PTPN11: variants seen among roughly 807,000 people sequenced by gnomAD.
PTPN11 encodes protein tyrosine phosphatase non-receptor type 11.
PTPN11 carries 6 observed loss-of-function variants against 78.8 expected under a neutral mutation model. The ratio of observed to expected loss-of-function variants is 0.08; its 90% CI spans 0.04 to 0.15. The LOEUF is 0.15. PTPN11 is among the 10% of genes least tolerant of loss of function. The pLI, the probability that PTPN11 is intolerant of heterozygous loss-of-function variation, is 1.00. For synonymous variants in PTPN11, 221 were observed against 263.5 expected, an observed-to-expected ratio of 0.84 and a Z score of 1.56; for missense variants, 386 against 744.8, an observed-to-expected ratio of 0.52 and a Z score of 5.61.
At chr12:112,442,846 A>C (rs2037920566) in intron 1 of PTPN11, among the ~76,000 whole-genome samples, 3 of 65,990 alleles carry the variant, frequency 4.5e-5, no homozygotes, top group South Asian at 5.6e-4. Flanking sequence ...ATATATATAT[A>C]TATATATATA....
chr12:112,436,122 G>A (rs2037786042), intron 1 of PTPN11, among the ~76,000 whole-genome samples: 1 of 152,052 alleles, frequency 6.6e-6, no homozygotes, highest in Non-Finnish European at 1.5e-5. Flanking sequence ...AAACAAACAT[G>A]GGCAAAAGAG....
chr12:112,463,647 T>C (rs1178803381), intron 6 of PTPN11, among the ~76,000 whole-genome samples: 1 of 152,220 alleles, frequency 6.6e-6, no homozygotes. Context: ...GGTCATCTTT[T>C]ATACATTATT....
chr12:112,505,120 G>T (rs2038917661), intron 15 of PTPN11, among the ~76,000 whole-genome samples: 1 of 152,168 alleles, frequency 6.6e-6, no homozygotes, highest in Admixed American at 6.5e-5. Flanking sequence ...CTGTGCTGGG[G>T]GATGATCTGT....
chr12:112,442,875 T>TATATATATAA (rs2037927324), intron 1 of PTPN11, among the ~76,000 whole-genome samples: 1 of 74,890 alleles, frequency 1.3e-5, no homozygotes, highest in Non-Finnish European at 2.5e-5. Context: ...TATATATATA[T>TATATATATAA]ATAAATTATA....
intron 1 of PTPN11, among the ~76,000 whole-genome samples, chr12:112,419,822 C>A (rs2037493766): frequency 6.6e-6 from 1 of 152,064 alleles, no homozygotes; most frequent in Admixed American, 6.6e-5. Context: ...TACTGGTACC[C>A]GTTTTATGGA....
chr12:112,439,849 T>G (rs1298275278), intron 1 of PTPN11, among the ~76,000 whole-genome samples: 1 of 151,724 alleles, frequency 6.6e-6, no homozygotes, highest in Non-Finnish European at 1.5e-5. Context: ...AAAGATTTGG[T>G]CTCCACACCT....
chr12:112,437,535 G>A (rs975063946), intron 1 of PTPN11, among the ~76,000 whole-genome samples: 2 of 152,150 alleles, frequency 1.3e-5, no homozygotes, highest in Non-Finnish European at 2.9e-5. Flanking sequence ...TCTAAATGTG[G>A]TATTGGATTC....
At chr12:112,465,447 C>T (rs868670880) in intron 6 of PTPN11, among the ~76,000 whole-genome samples, 3 of 151,628 alleles carry the variant, frequency 2.0e-5, no homozygotes, top group African/African-American at 7.3e-5. Context: ...GGTTTTTGCC[C>T]TCTCTCTGTG....
Position 112,453,349 on chromosome 12 carries a change from G to T in PTPN11, c.487G>T (p.Gly163Cys), listed in dbSNP as rs730880992. The change falls in exon 4 of 16, where the codon GGC (glycine) becomes TGC (cysteine). Residue 163 changes from glycine to cysteine, a missense_variant. Around this residue, in one of 3 missense-constraint regions of PTPN11, gnomAD observed 279 missense variants for 503.3 expected, o/e 0.55. Coordinates refer to ENST00000351677, the MANE Select transcript of PTPN11 (RefSeq NM_002834.5). ...TGATGACAAAGGGGAGAGCAATGAC[G>T]GCAAGTCTAAAGTGACCCATGTTAT... ...TGDDKGESND[G>C]KSKVTHVMIR... The T allele has an allele frequency of 1.2e-6, 2 of 1,614,040 alleles. No individual in the cohort carries two copies. The highest frequency in any genetic ancestry group is 3.3e-5 in the Admixed American group (2 of 60,010).
At chr12:112,438,147 T>C (rs937213521) in intron 1 of PTPN11, among the ~76,000 whole-genome samples, 2 of 152,170 alleles carry the variant, frequency 1.3e-5, no homozygotes, top group African/African-American at 2.4e-5. Flanking sequence ...CTCTACACCA[T>C]GCTGTTTTTC....
At chr12:112,457,675 A>G (rs1457324697) in intron 6 of PTPN11, among the ~76,000 whole-genome samples, 2 of 152,200 alleles carry the variant, frequency 1.3e-5, no homozygotes, top group African/African-American at 4.8e-5. Flanking sequence ...CTTCTCCAGC[A>G]TCTGTTGTTT....
chr12:112,501,125 A>G (rs1344467864), intron 13 of PTPN11, among the ~76,000 whole-genome samples: 1 of 152,188 alleles, frequency 6.6e-6, no homozygotes, highest in African/African-American at 2.4e-5. Context: ...TGAAGTCAAC[A>G]TTAGATAATG....
In PTPN11 at chr12:112,489,076, G is replaced by A. The variant is rs1464221944; in HGVS notation, c.1500G>A (p.Gln500=). The A allele has an allele frequency of 1.2e-6, 2 of 1,614,080 alleles. No individual in the cohort carries two copies. Among genetic ancestry groups the A allele is most frequent in the Non-Finnish European group, 1.7e-6 (2 of 1,180,058 alleles). The change falls in exon 13 of 16, where the codon CAG becomes CAA. Residue 500 remains glutamine, a synonymous_variant. Transcript: ENST00000351677. Reference sequence around the variant, plus strand: ...AAACCATCCAGATGGTGCGGTCTCAGAGGTCAGGGATGGTCCAGACAGAAG... The same window carrying A: ...AAACCATCCAGATGGTGCGGTCTCAAAGGTCAGGGATGGTCCAGACAGAAG... ...VPKTIQMVRS[Q]RSGMVQTEAQ... is the part of the protein sequence containing the mutation.
chr12:112,431,085 A>G (rs2037705684), intron 1 of PTPN11, among the ~76,000 whole-genome samples: 1 of 152,178 alleles, frequency 6.6e-6, no homozygotes, highest in African/African-American at 2.4e-5. Context: ...GTGGAGTTGG[A>G]GTCATCCTTG....
At chr12:112,493,928 C>G (rs1394844914) in intron 13 of PTPN11, among the ~76,000 whole-genome samples, 1 of 152,136 alleles carries the variant, frequency 6.6e-6, no homozygotes, top group Non-Finnish European at 1.5e-5. Flanking sequence ...CATCCATGTT[C>G]TTGCAAATGA....
At chr12:112,486,311 C>T (rs1392515413) in intron 10 of PTPN11, 164 bp from the exon 11 acceptor site, 4 of 740,218 alleles carry the variant, frequency 5.4e-6, no homozygotes, top group Middle Eastern at 3.4e-4. Context: ...TCCAGGATTG[C>T]CCAAAAGGAG....
chr12:112,484,888 A>T (rs1387516393), intron 10 of PTPN11, among the ~76,000 whole-genome samples: 8 of 152,016 alleles, frequency 5.3e-5, no homozygotes, highest in Non-Finnish European at 1.2e-4. Context: ...AGTTAAAAAT[A>T]AAAATAAAAT....
At chr12:112,436,235 C>T (rs567390077) in intron 1 of PTPN11, among the ~76,000 whole-genome samples, 2 of 152,128 alleles carry the variant, frequency 1.3e-5, no homozygotes, top group South Asian at 4.2e-4. Context: ...GAAACATAAT[C>T]TATGGTAGAG....
At chr12:112,495,624 TG>T (rs1225870516) in intron 13 of PTPN11, among the ~76,000 whole-genome samples, 2 of 152,230 alleles carry the variant, frequency 1.3e-5, no homozygotes, top group African/African-American at 4.8e-5. Flanking sequence ...TAACTTATGA[TG>T]GGGTTACAGC....
Sources: allele counts gnomAD v4.1 joint callset (sites outside exome capture counted in the v4.1 genomes callset), GRCh38; gene constraint gnomAD v4.1.1; regional missense constraint gnomAD v4.1.1; transcripts MANE v1.5; gene names NCBI Gene and HGNC (gene_info 2026-07-23, HGNC 2026-07-21).